Variants in SPMAP2L observed in about 807,000 individuals in gnomAD.
SPMAP2L encodes the protein sperm microtubule associated protein 2 like.
the SPMAP2L span, among the ~76,000 whole-genome samples, chr4:56,589,360 G>GT: frequency 6.6e-6 from 1 of 152,160 alleles, no homozygotes; most frequent in Non-Finnish European, 1.5e-5. Context: ...TTGAAATCAG[G>GT]TAGTGTGAGG....
chr4:56,530,741 C>A, the SPMAP2L span: 2 of 1,535,364 alleles, frequency 1.3e-6, no homozygotes, highest in East Asian at 2.4e-5. Context: ...CAGGTCTCAA[C>A]AGAAATATCC....
At chr4:56,547,827 C>T in the SPMAP2L span, among the ~76,000 whole-genome samples, 1 of 152,100 alleles carries the variant, frequency 6.6e-6, no homozygotes, top group Non-Finnish European at 1.5e-5. Context: ...CATTTTTCCA[C>T]ATTAAAACAA....
chr4:56,575,671 C>A, the SPMAP2L span: 1 of 1,529,358 alleles, frequency 6.5e-7, no homozygotes, highest in Non-Finnish European at 8.7e-7. Context: ...CTCTGTAAAT[C>A]CTAATCTAAT....
the SPMAP2L span, among the ~76,000 whole-genome samples, chr4:56,600,097 C>CTTTTTTTTTTTTTTTTTTTTTTTTTT: frequency 1.5e-4 from 13 of 87,804 alleles, 1 homozygote; most frequent in African/African-American, 6.1e-4. Context: ...TCTTTGCTTT[C>CTTTTTTTTTTTTTTTTTTTTTTTTTT]TTTTTTTTTT....
the SPMAP2L span, among the ~76,000 whole-genome samples, chr4:56,621,918 T>G: frequency 6.6e-6 from 1 of 152,154 alleles, no homozygotes. Flanking sequence ...GGTAGAAACA[T>G]GCCATCATAC....
At chr4:56,575,477 T>G in the SPMAP2L span, 1 of 1,532,966 alleles carries the variant, frequency 6.5e-7, no homozygotes, top group Non-Finnish European at 8.7e-7. Flanking sequence ...TTGTTTCGTT[T>G]ACTTCTTTTC....
the SPMAP2L span, among the ~76,000 whole-genome samples, chr4:56,555,145 G>A: frequency 6.6e-6 from 1 of 151,914 alleles, no homozygotes; most frequent in Non-Finnish European, 1.5e-5. Context: ...CTCCATGTTG[G>A]TTAGGCTGGT....
At chr4:56,588,979 C>A in the SPMAP2L span, among the ~76,000 whole-genome samples, 1 of 151,878 alleles carries the variant, frequency 6.6e-6, no homozygotes, top group African/African-American at 2.4e-5. Context: ...TTCCATTGGT[C>A]TCTGTGCCTA....
At chr4:56,535,126 G>C in the SPMAP2L span, among the ~76,000 whole-genome samples, 2 of 152,104 alleles carry the variant, frequency 1.3e-5, no homozygotes, top group East Asian at 3.9e-4. Flanking sequence ...CAGACTTTAA[G>C]CCATTAGCAA....
the SPMAP2L span, chr4:56,600,930 A>G: frequency 2.1e-5 from 32 of 1,533,276 alleles, no homozygotes; most frequent in African/African-American, 4.1e-5. Context: ...TGTTTCCACT[A>G]TAGGTACCTC....
At chr4:56,594,591 T>A in the SPMAP2L span, 2 of 1,578,538 alleles carry the variant, frequency 1.3e-6, no homozygotes. Flanking sequence ...ACGGTTTGCC[T>A]CATTCTGAAA....
chr4:56,618,446 T>TAATTG, the SPMAP2L span, among the ~76,000 whole-genome samples: 4 of 152,228 alleles, frequency 2.6e-5, no homozygotes, highest in Admixed American at 2.0e-4. Flanking sequence ...GAAAGAGGTT[T>TAATTG]AATTGACTCA....
chr4:56,608,692 C>G, the SPMAP2L span, among the ~76,000 whole-genome samples: 2 of 152,168 alleles, frequency 1.3e-5, no homozygotes, highest in African/African-American at 2.4e-5. Context: ...CCCACTAAGA[C>G]AGTGTCTAAT....
At chr4:56,593,497 A>G in the SPMAP2L span, 4 of 1,598,806 alleles carry the variant, frequency 2.5e-6, no homozygotes, top group Non-Finnish European at 3.4e-6. Context: ...ACTCGTGGAG[A>G]GAGCTCATCA....
the SPMAP2L span, chr4:56,531,111 G>T: frequency 2.0e-6 from 3 of 1,535,458 alleles, no homozygotes; most frequent in Non-Finnish European, 2.6e-6. Context: ...CCGCAGTAAT[G>T]ATCTCCCCCT....
At chr4:56,592,471 G>A in the SPMAP2L span, among the ~76,000 whole-genome samples, 1 of 152,234 alleles carries the variant, frequency 6.6e-6, no homozygotes, top group East Asian at 1.9e-4. Flanking sequence ...ACAACTTTGC[G>A]CGAGTGTCTT....
At chr4:56,538,403 G>C in the SPMAP2L span, among the ~76,000 whole-genome samples, 3 of 152,156 alleles carry the variant, frequency 2.0e-5, no homozygotes, top group Non-Finnish European at 4.4e-5. Context: ...TTAAGAGGTG[G>C]GAAAGCTAAT....
the SPMAP2L span, among the ~76,000 whole-genome samples, chr4:56,583,499 A>C: frequency 4.6e-5 from 7 of 152,198 alleles, no homozygotes; most frequent in Non-Finnish European, 8.8e-5. Context: ...AACAAAACCC[A>C]AACTAATAGC....
At chr4:56,548,231 CTT>C in the SPMAP2L span, among the ~76,000 whole-genome samples, 2 of 112,996 alleles carry the variant, frequency 1.8e-5, no homozygotes, top group East Asian at 2.2e-4. Context: ...TGAGCGTTCT[CTT>C]TCTGTTTTTT....
Sources: gnomAD v4.1 joint callset for allele counts (sites outside exome capture counted in the v4.1 genomes callset) on GRCh38, gnomAD v4.1.1 for gene constraint, MANE v1.5 for transcripts, NCBI Gene and HGNC (gene_info 2026-07-23, HGNC 2026-07-21) for gene names.